The following GREM2 variants were observed in gnomAD, a reference collection of about 807,000 sequenced individuals.
The protein encoded by GREM2 is gremlin 2, DAN family BMP antagonist.
GREM2 carries 11 observed loss-of-function variants against 14.2 expected under a neutral mutation model. The observed-to-expected ratio is 0.78, with a 90% CI of 0.49 to 1.28. The LOEUF (loss-of-function observed/expected upper bound fraction) is 1.28, where lower values mean the gene tolerates loss of function less well. Ranked by LOEUF, GREM2 falls within the 50% of genes most tolerant of loss-of-function variation. The probability of loss-of-function intolerance (pLI) is 0.00; values close to 1 mark genes in which losing one functional copy is unlikely to be tolerated. For missense variants in GREM2, 210 were observed against 218.5 expected (o/e 0.96, Z 0.24); for synonymous variants, 98 against 97.6 (o/e 1.00, Z -0.02).
chr1:240,517,429 T>C (rs1048942778), intron 1 of GREM2, among the ~76,000 whole-genome samples: 2 of 152,212 alleles, frequency 1.3e-5, no homozygotes, highest in African/African-American at 2.4e-5. Flanking sequence ...TTATATATTA[T>C]GGAGCTGGTC....
intron 1 of GREM2, among the ~76,000 whole-genome samples, chr1:240,593,547 T>C (rs1178062642): frequency 1.3e-5 from 2 of 152,150 alleles, no homozygotes; most frequent in Non-Finnish European, 2.9e-5. Context: ...TTAAATGAGA[T>C]CGTGAACAAA....
intron 1 of GREM2, among the ~76,000 whole-genome samples, chr1:240,552,417 C>A (rs1336609282): frequency 2.0e-5 from 3 of 151,798 alleles, no homozygotes; most frequent in African/African-American, 7.3e-5. Context: ...GTGGTCTGTA[C>A]AAAAAAATTA....
At chr1:240,607,231 G>A (rs1459275769) in intron 1 of GREM2, among the ~76,000 whole-genome samples, 1 of 152,128 alleles carries the variant, frequency 6.6e-6, no homozygotes. Context: ...CCTTCTCATT[G>A]TAAAGAGTAA....
At chr1:240,573,198 C>T (rs935823142) in intron 1 of GREM2, among the ~76,000 whole-genome samples, 2 of 152,172 alleles carry the variant, frequency 1.3e-5, no homozygotes, top group Non-Finnish European at 2.9e-5. Context: ...TGCAGTAGCT[C>T]ATGCCTGTAA....
chr1:240,608,178 A>G (rs1680068731), intron 1 of GREM2, among the ~76,000 whole-genome samples: 1 of 152,238 alleles, frequency 6.6e-6, no homozygotes, highest in African/African-American at 2.4e-5. Flanking sequence ...TGTGGTGAAG[A>G]CTGAATTAAA....
chr1:240,556,012 T>C (rs530732256), intron 1 of GREM2, among the ~76,000 whole-genome samples: 2 of 152,350 alleles, frequency 1.3e-5, no homozygotes, highest in Non-Finnish European at 2.9e-5. Flanking sequence ...TAAGAGTTTC[T>C]AGTAGAGCAT....
At chr1:240,515,692 A>G (rs147767628) in intron 1 of GREM2, among the ~76,000 whole-genome samples, 1 of 152,264 alleles carries the variant, frequency 6.6e-6, no homozygotes, top group African/African-American at 2.4e-5. Context: ...AGGACTAACA[A>G]TTTGGTTTCG....
intron 1 of GREM2, among the ~76,000 whole-genome samples, chr1:240,549,350 A>AC (rs1447402983): frequency 1.3e-5 from 2 of 149,374 alleles, no homozygotes; most frequent in Admixed American, 6.7e-5. Context: ...AAAAAAAAAA[A>AC]GAAAAGAAAG....
intron 1 of GREM2, among the ~76,000 whole-genome samples, chr1:240,508,342 G>C (rs1023293394): frequency 5.9e-5 from 9 of 152,200 alleles, no homozygotes; most frequent in Admixed American, 3.9e-4. Flanking sequence ...ATTTGAGAAG[G>C]GGAACGTCTG....
At chr1:240,604,609 C>A (rs985529219) in intron 1 of GREM2, among the ~76,000 whole-genome samples, 38 of 152,188 alleles carry the variant, frequency 2.5e-4, no homozygotes, top group Admixed American at 2.1e-3. Context: ...AAGTGGAAGT[C>A]AAGAAGCAAT....
intron 1 of GREM2, among the ~76,000 whole-genome samples, chr1:240,556,308 G>A (rs1337116547): frequency 6.6e-6 from 1 of 152,140 alleles, no homozygotes; most frequent in Non-Finnish European, 1.5e-5. Flanking sequence ...AGCCTTCTTT[G>A]GGAAATCTAT....
chr1:240,492,989 T>G lies in GREM2; in HGVS notation c.487A>C (p.Ser163Arg), dbSNP rs769588337. The G allele has an allele frequency of 6.5e-7, 1 of 1,550,236 alleles. No homozygotes were observed. Among genetic ancestry groups the G allele is most frequent in the Non-Finnish European group, 8.8e-7 (1 of 1,142,466 alleles). Reference protein sequence around the residue: ...KQCRCMSVNLSDSDKQ With the variant: ...KQCRCMSVNLRDSDKQ ...GGCGCTCACTGCTTGTCCGAGTCGCTCAGGTTCACGGACATGCACCGGCAC... is the reference window on the plus strand; with the variant it reads ...GGCGCTCACTGCTTGTCCGAGTCGCGCAGGTTCACGGACATGCACCGGCAC... The change falls in exon 2 of 2, where the codon AGC (serine) becomes CGC (arginine). Residue 163 changes from serine (S) to arginine (R), a missense_variant. Ser to Arg is a moderately radical substitution (Grantham distance 110). Transcript: ENST00000318160.
chr1:240,543,578 T>A lies in GREM2; in HGVS notation c.-1-50102A>T, dbSNP rs1391813065. On this transcript the variant is annotated intron_variant, in intron 1 of 1. Transcript: ENST00000318160. The surrounding 1 kb of genome is among the most constrained non-coding windows in gnomAD (Gnocchi z 6.4). The stretch of plus-strand genomic sequence containing the variant: ...GGGATTATTACAATTCAAGGTGAGA[T>A]TTGGGAGGGGACACAGCCAAACCAT... Among the ~76,000 whole-genome samples the A allele has an allele frequency of 6.6e-6, 1 of 152,146 alleles. No homozygotes were observed. Among genetic ancestry groups the A allele is most frequent in the Non-Finnish European group, 1.5e-5 (1 of 68,042 alleles).
chr1:240,574,891 G>A (rs1213031402), intron 1 of GREM2, among the ~76,000 whole-genome samples: 2 of 152,078 alleles, frequency 1.3e-5, no homozygotes, highest in African/African-American at 2.4e-5. Flanking sequence ...GGCGGATCAC[G>A]AGGTCAAGAG....
intron 1 of GREM2, among the ~76,000 whole-genome samples, chr1:240,581,650 A>C (rs1425031347): frequency 6.6e-6 from 1 of 152,222 alleles, no homozygotes; most frequent in Non-Finnish European, 1.5e-5. Flanking sequence ...AGAATTCAGC[A>C]AAAGAATTTT....
intron 1 of GREM2, among the ~76,000 whole-genome samples, chr1:240,570,126 T>C (rs4454537): frequency 0.26 from 39,340 of 152,066 alleles, 5,855 homozygotes; most frequent in East Asian, 0.4. Flanking sequence ...GAAATGTTTT[T>C]ACTGGAAAGC....
intron 1 of GREM2, among the ~76,000 whole-genome samples, chr1:240,503,786 T>A (rs1053321218): frequency 1.3e-5 from 2 of 152,186 alleles, no homozygotes; most frequent in Non-Finnish European, 2.9e-5. Context: ...CTGTGCTCTT[T>A]ATTTTCGCCA....
chr1:240,514,944 C>CAACA (rs927317464), intron 1 of GREM2, among the ~76,000 whole-genome samples: 1 of 137,634 alleles, frequency 7.3e-6, no homozygotes, highest in African/African-American at 2.7e-5. Flanking sequence ...CTATCTCAAA[C>CAACA]AACAAACAAA....
chr1:240,541,064 G>A (rs527584772), intron 1 of GREM2, among the ~76,000 whole-genome samples: 8 of 152,188 alleles, frequency 5.3e-5, no homozygotes, highest in Non-Finnish European at 1.2e-4. Flanking sequence ...CACCAATGGT[G>A]AATACAAAGA....
Sources: allele counts gnomAD v4.1 joint callset (sites outside exome capture counted in the v4.1 genomes callset), GRCh38; gene constraint gnomAD v4.1.1; non-coding constraint Gnocchi (gnomAD v3.1); transcripts MANE v1.5; gene names NCBI Gene and HGNC (gene_info 2026-07-23, HGNC 2026-07-21).